ETFA: variants seen among roughly 807,000 people sequenced by gnomAD.
The protein encoded by ETFA is electron transfer flavoprotein subunit alpha, also known as electron transfer flavoprotein subunit alpha, mitochondrial.
A neutral mutation model predicts 46.2 loss-of-function variants in ETFA; 22 were observed. The observed-to-expected ratio is 0.48, with a 90% CI of 0.34 to 0.68. The LOEUF (loss-of-function observed/expected upper bound fraction) is 0.68. Ranked by LOEUF, ETFA falls within the 30% of genes least tolerant of loss-of-function variation. ETFA has a pLI of 0.01. For missense variants in ETFA, 345 were observed against 401.1 expected (o/e 0.86, Z 1.19); for synonymous variants, 131 against 139.9 (o/e 0.94, Z 0.45).
At chr15:76,279,333 T>C (rs11856470) in intron 8 of ETFA, among the ~76,000 whole-genome samples, 2 of 152,082 alleles carry the variant, frequency 1.3e-5, no homozygotes, top group Admixed American at 6.6e-5. Flanking sequence ...TGGAGTGCAG[T>C]GGCATAATTA....
At position 76,284,911 on chromosome 15, in the gene ETFA, C is replaced by T. The variant is rs1232541547; in HGVS notation, c.664+726G>A. On this transcript the variant is annotated intron_variant, in intron 7 of 11. Transcript: ENST00000557943. Reference sequence around the variant, plus strand: ...TGCCATTGCACTCCAGCCTAGGCAACAAGAGCGAAACTCCATCTCAAAAAG... The same window carrying T: ...TGCCATTGCACTCCAGCCTAGGCAATAAGAGCGAAACTCCATCTCAAAAAG... 7.4e-6 allele frequency: 3 copies of T among 404,606 alleles called. No homozygotes were observed. The East Asian group carries it at 3.3e-4, about 44-fold the overall frequency. The allele number at this position is 404,606 out of a possible 1,614,324, so 25.1% of individuals were successfully genotyped here. A position where few individuals can be genotyped will look rare whatever the true frequency, so the allele number is the denominator to read the frequency against.
chr15:76,257,064 C>A (rs915322050), intron 9 of ETFA, among the ~76,000 whole-genome samples: 1 of 144,900 alleles, frequency 6.9e-6, no homozygotes. Flanking sequence ...CCTATATTAA[C>A]GAACGTGACT....
intron 2 of ETFA, 76 bp downstream of exon 2, chr15:76,295,515 T>G (rs2039809166): frequency 7.7e-7 from 1 of 1,295,752 alleles, no homozygotes; most frequent in South Asian, 1.2e-5. Flanking sequence ...ATCCTAAGCA[T>G]AATTCTCTGT....
chr15:76,248,751 C>T (rs2039266877), intron 9 of ETFA, among the ~76,000 whole-genome samples: 1 of 152,082 alleles, frequency 6.6e-6, no homozygotes, highest in Non-Finnish European at 1.5e-5. Flanking sequence ...GTGGAGGGCA[C>T]CTGTAGTCCC....
Position 76,265,078 on chromosome 15 carries a change from C to T in ETFA, c.816+9334G>A, listed in dbSNP as rs187020643. On this transcript the variant is annotated intron_variant, in intron 9 of 11. Transcript: ENST00000557943. ...CCTTAACAAACATACAGCTGTCCCC[C>T]GCCACAGCAGACAGTGCTGCCATAG... Among the ~76,000 whole-genome samples, 760 of 152,314 alleles carry T rather than the reference C, an allele frequency of 5.0e-3. 3 individuals carry two copies. The highest frequency in any genetic ancestry group is 8.7e-3 in the Non-Finnish European group (595 of 68,024).
chr15:76,291,459 A>AC (rs1346845980), intron 4 of ETFA, among the ~76,000 whole-genome samples: 1 of 150,414 alleles, frequency 6.6e-6, no homozygotes, highest in Non-Finnish European at 1.5e-5. Flanking sequence ...AAAAAAAAAA[A>AC]AAAAAAGTAG....
At chr15:76,261,166 C>T in intron 9 of ETFA, 1 of 1,532,888 alleles carries the variant, frequency 6.5e-7, no homozygotes, top group Non-Finnish European at 9.0e-7. Context: ...AGCAGGTCCC[C>T]CGATCTTCGT....
intron 9 of ETFA, among the ~76,000 whole-genome samples, chr15:76,251,569 A>C (rs2469548): frequency 0.68 from 103,514 of 152,110 alleles, 35,701 homozygotes; most frequent in Middle Eastern, 0.78. Context: ...TCTGGACAGT[A>C]GTTCTGATAA....
At chr15:76,298,135 A>C (rs1298067264) in intron 1 of ETFA, among the ~76,000 whole-genome samples, 2 of 151,632 alleles carry the variant, frequency 1.3e-5, no homozygotes, top group Non-Finnish European at 2.9e-5. Flanking sequence ...CACCGCCTCC[A>C]GGGTTCAAGC....
At chr15:76,274,989 A>G (rs1477326237) in intron 8 of ETFA, among the ~76,000 whole-genome samples, 1 of 152,156 alleles carries the variant, frequency 6.6e-6, no homozygotes, top group African/African-American at 2.4e-5. Flanking sequence ...AGGAGTCAAG[A>G]ATGAGCCTCA....
chr15:76,223,872 C>T (rs2038980683), intron 11 of ETFA, among the ~76,000 whole-genome samples: 1 of 152,240 alleles, frequency 6.6e-6, no homozygotes, highest in African/African-American at 2.4e-5. Context: ...TGCCCCAAGG[C>T]AGGTGTCCAC....
chr15:76,299,374 C>T (rs932145999), intron 1 of ETFA, among the ~76,000 whole-genome samples: 12 of 152,214 alleles, frequency 7.9e-5, no homozygotes, highest in African/African-American at 2.9e-4. Context: ...GCTTCAACCT[C>T]CCAGGCTCAA....
intron 9 of ETFA, among the ~76,000 whole-genome samples, chr15:76,241,014 A>T (rs2039180285): frequency 6.6e-6 from 1 of 151,970 alleles, no homozygotes; most frequent in African/African-American, 2.4e-5. Context: ...ACCAGTTCAG[A>T]GATTTTCCAT....
intron 9 of ETFA, among the ~76,000 whole-genome samples, chr15:76,239,320 G>A (rs2460142): frequency 0.07 from 10,692 of 152,066 alleles, 917 homozygotes; most frequent in African/African-American, 0.21. Context: ...TTTTGATATA[G>A]GTAAACATTA....
In ETFA at chr15:76,311,410, C is replaced by A; in HGVS notation, c.-22G>T. 6.4e-7 allele frequency: 1 copy of A among 1,554,446 alleles called. No homozygotes were observed. ...ACATGGTCTCCGCTTCCGCCGCAAC[C>A]TCGGCCTTACAGCAGCCCCGTGCCC... On this transcript the variant is annotated 5_prime_UTR_variant, in exon 1 of 12. It adds an upstream start codon to the 5' untranslated region. Transcript: ENST00000557943.
rs373704855 is a variant in ETFA, at chr15:76,274,011, C to T, written c.816+401G>A. Reference sequence around the variant, plus strand: ...AGACTAAAACTGTCATTCACAGCTCCCAATTTCAAAATTCTGTTCATTAAA... The same window carrying T: ...AGACTAAAACTGTCATTCACAGCTCTCAATTTCAAAATTCTGTTCATTAAA... On this transcript the variant is annotated intron_variant, in intron 9 of 11. Coordinates refer to ENST00000557943, the MANE Select transcript of ETFA (RefSeq NM_000126.4). 67 of 205,648 alleles carry T rather than the reference C, an allele frequency of 3.3e-4. No homozygotes were observed. The East Asian group carries it at 5.2e-3, about 16-fold the overall frequency. 12.7% of individuals were successfully genotyped at this position (205,648 alleles called of 1,614,324 possible).
chr15:76,265,405 A>G (rs2039461320), intron 9 of ETFA, among the ~76,000 whole-genome samples: 2 of 152,260 alleles, frequency 1.3e-5, no homozygotes, highest in Admixed American at 6.5e-5. Flanking sequence ...AGGCTTTGGT[A>G]GTACTAATCC....
intron 9 of ETFA, among the ~76,000 whole-genome samples, chr15:76,253,615 A>C (rs1056724260): frequency 6.6e-6 from 1 of 152,218 alleles, no homozygotes; most frequent in African/African-American, 2.4e-5. Flanking sequence ...AAATAAGAAT[A>C]AATGAAAATA....
intron 1 of ETFA, among the ~76,000 whole-genome samples, chr15:76,304,711 T>C (rs1243217883): frequency 1.3e-5 from 2 of 149,946 alleles, no homozygotes; most frequent in African/African-American, 4.9e-5. Flanking sequence ...TGATAAATGA[T>C]TTTAGACAAA....
Sources: gnomAD v4.1 joint callset for allele counts (sites outside exome capture counted in the v4.1 genomes callset) on GRCh38, gnomAD v4.1.1 for gene constraint, MANE v1.5 for transcripts, NCBI Gene and HGNC (gene_info 2026-07-23, HGNC 2026-07-21) for gene names.